Variants in DSCAM observed in about 807,000 individuals in gnomAD.
The protein encoded by DSCAM is DS cell adhesion molecule.
A neutral mutation model predicts 217.7 loss-of-function variants in DSCAM; 47 were observed. The observed-to-expected ratio is 0.22, with a 90% CI of 0.17 to 0.28. The LOEUF is 0.28. Among genes scored for constraint, DSCAM ranks in the 10% least tolerant of loss-of-function variants. DSCAM has a pLI of 1.00. For missense variants in DSCAM, 2,080 were observed against 2,618.3 expected (o/e 0.79, Z 4.49); for synonymous variants, 1,056 against 1,015.3 (o/e 1.04, Z -0.76).
chr21:40,124,453 C>T (rs560948055), intron 19 of DSCAM, 125 bp from the exon 20 acceptor site: 94 of 1,219,294 alleles, frequency 7.7e-5, no homozygotes, highest in Admixed American at 2.8e-4. Flanking sequence ...TTATGGGTTC[C>T]GCTGTGTCCC....
At chr21:40,550,007 C>T (rs2076616555) in intron 3 of DSCAM, among the ~76,000 whole-genome samples, 1 of 152,190 alleles carries the variant, frequency 6.6e-6, no homozygotes, top group African/African-American at 2.4e-5. Flanking sequence ...AAGCCCTACG[C>T]TTGGTATTTT....
intron 3 of DSCAM, among the ~76,000 whole-genome samples, chr21:40,530,879 G>GTCCATCCATCCA (rs759529131): frequency 6.8e-6 from 1 of 147,860 alleles, no homozygotes; most frequent in Non-Finnish European, 1.5e-5. Context: ...AGCCCTGCCT[G>GTCCATCCATCCA]TCCATCCATC....
chr21:40,758,105 A>G (rs2091294095), intron 1 of DSCAM, among the ~76,000 whole-genome samples: 1 of 152,172 alleles, frequency 6.6e-6, no homozygotes. Flanking sequence ...TATGATAGAT[A>G]TGACAACAGG....
rs718600 is a variant in DSCAM at position 40,309,771 on chromosome 21, C to T, written c.2062+2310G>A. On this transcript the variant is annotated intron_variant, in intron 9 of 32. Transcript: ENST00000400454. Reference sequence around the variant, plus strand: ...ATAGATTGTGAATTCCACTGCTTCTCATGACCTTAACATTAACACCTTCAT... The same window carrying T: ...ATAGATTGTGAATTCCACTGCTTCTTATGACCTTAACATTAACACCTTCAT... 9.6e-3 allele frequency among the ~76,000 whole-genome samples: 1,457 copies of T among 152,318 alleles called. 22 individuals are homozygous for T. Among genetic ancestry groups the T allele is most frequent in the African/African-American group, 0.034 (1,393 of 41,566 alleles).
intron 3 of DSCAM, among the ~76,000 whole-genome samples, chr21:40,456,661 A>G (rs2075766181): frequency 6.6e-6 from 1 of 151,920 alleles, no homozygotes; most frequent in African/African-American, 2.4e-5. Context: ...ACACTTCACA[A>G]TAATACAAAA....
chr21:40,430,626 A>G (rs566629618), intron 3 of DSCAM, among the ~76,000 whole-genome samples: 13 of 152,296 alleles, frequency 8.5e-5, no homozygotes, highest in African/African-American at 2.9e-4. Context: ...CCCTATATAT[A>G]TACACACATA....
At chr21:40,066,138 A>C (rs1280201191) in intron 27 of DSCAM, among the ~76,000 whole-genome samples, 3 of 152,152 alleles carry the variant, frequency 2.0e-5, no homozygotes, top group East Asian at 3.9e-4. Context: ...CCTCTGCCTT[A>C]TATCTCAGAC....
At chr21:40,379,925 G>A (rs368261299) in intron 3 of DSCAM, among the ~76,000 whole-genome samples, 18 of 152,260 alleles carry the variant, frequency 1.2e-4, no homozygotes, top group Non-Finnish European at 2.2e-4. Context: ...AAGCCCCAGC[G>A]TGGATCTTGA....
At position 40,666,200 on chromosome 21, in the gene DSCAM, G is replaced by T. The variant is rs564917984; in HGVS notation, c.508+26610C>A. Among the ~76,000 whole-genome samples the T allele has an allele frequency of 3.9e-5, 6 of 152,266 alleles. No individual in the cohort carries two copies. The East Asian group carries it at 1.2e-3, about 29-fold the overall frequency. Reference sequence around the variant, plus strand: ...TGAAGATAGGCACATACTGATGATGGGTGGCCACAGAAAAGCATTCTAAAT... The same window carrying T: ...TGAAGATAGGCACATACTGATGATGTGTGGCCACAGAAAAGCATTCTAAAT... On this transcript the variant is annotated intron_variant, in intron 3 of 32. Transcript: ENST00000400454.
At chr21:40,258,328 T>C (rs1204418358) in intron 11 of DSCAM, among the ~76,000 whole-genome samples, 2 of 152,186 alleles carry the variant, frequency 1.3e-5, no homozygotes, top group African/African-American at 4.8e-5. Flanking sequence ...GGCCTAGAAA[T>C]GTTATTCTCA....
At chr21:40,186,673 C>A (rs1331814120) in intron 14 of DSCAM, among the ~76,000 whole-genome samples, 1 of 152,154 alleles carries the variant, frequency 6.6e-6, no homozygotes, top group Admixed American at 6.5e-5. Flanking sequence ...TTTTCTGCAC[C>A]AACCACCACT....
At chr21:40,041,498 C>CA (rs55789542) in intron 32 of DSCAM, among the ~76,000 whole-genome samples, 42,650 of 152,036 alleles carry the variant, frequency 0.28, 6,496 homozygotes, top group East Asian at 0.56. Context: ...ACTAAGACCC[C>CA]ATTTCCACTT....
intron 16 of DSCAM, among the ~76,000 whole-genome samples, chr21:40,149,196 TCAC>T (rs1409074210): frequency 4.0e-5 from 6 of 151,830 alleles, no homozygotes; most frequent in South Asian, 2.1e-4. Context: ...AACATTGCCA[TCAC>T]CACAACCATC....
At chr21:40,267,149 A>G (rs1569032442) in intron 11 of DSCAM, among the ~76,000 whole-genome samples, 1 of 152,026 alleles carries the variant, frequency 6.6e-6, no homozygotes, top group Non-Finnish European at 1.5e-5. Flanking sequence ...TATGTCATCA[A>G]AGTCACTTGT....
chr21:40,577,670 T>C (rs1013845369), intron 3 of DSCAM, among the ~76,000 whole-genome samples: 8 of 152,268 alleles, frequency 5.3e-5, no homozygotes, highest in Admixed American at 5.2e-4. Flanking sequence ...AGGGGGTAGA[T>C]TTTCTTTTAT....
chr21:40,756,910 G>A (rs1373290876), intron 1 of DSCAM, among the ~76,000 whole-genome samples: 1 of 152,002 alleles, frequency 6.6e-6, no homozygotes, highest in Non-Finnish European at 1.5e-5. Flanking sequence ...TAACTCCCAA[G>A]TCTGTGCGAT....
At chr21:40,477,992 C>G (rs1039612751) in intron 3 of DSCAM, among the ~76,000 whole-genome samples, 1 of 152,118 alleles carries the variant, frequency 6.6e-6, no homozygotes, top group Admixed American at 6.6e-5. Flanking sequence ...GCCCCACCCC[C>G]CATGCTTCTT....
chr21:40,535,803 G>A (rs954358577), intron 3 of DSCAM, among the ~76,000 whole-genome samples: 9 of 152,322 alleles, frequency 5.9e-5, no homozygotes, highest in Non-Finnish European at 8.8e-5. Context: ...ATGGAGCAAG[G>A]TGACCAACTG....
At chr21:40,515,347 C>T (rs1329420428) in intron 3 of DSCAM, among the ~76,000 whole-genome samples, 1 of 152,192 alleles carries the variant, frequency 6.6e-6, no homozygotes, top group South Asian at 2.1e-4. Context: ...CTTCCACTCA[C>T]CACTTGATAA....
Sources: gnomAD v4.1 joint callset for allele counts (sites outside exome capture counted in the v4.1 genomes callset) on GRCh38, gnomAD v4.1.1 for gene constraint, MANE v1.5 for transcripts, NCBI Gene and HGNC (gene_info 2026-07-23, HGNC 2026-07-21) for gene names.